The following TLK2 variants were observed in gnomAD, a reference collection of about 807,000 sequenced individuals.
TLK2 encodes the protein tousled like kinase 2, also known as serine/threonine-protein kinase tousled-like 2.
In TLK2, 6 loss-of-function variants were observed where a neutral mutation model predicts 117.3. The observed-to-expected ratio is 0.05, with a 90% CI of 0.03 to 0.10. TLK2 has a LOEUF of 0.10. TLK2 is among the 10% of genes least tolerant of loss of function. TLK2 has a pLI of 1.00. For missense variants in TLK2, 299 were observed against 901.2 expected, an observed-to-expected ratio of 0.33 and a Z score of 8.56; for synonymous variants, 257 against 316.7, an observed-to-expected ratio of 0.81 and a Z score of 2.00.
At chr17:62,499,329 G>A (rs536803908) in intron 2 of TLK2, among the ~76,000 whole-genome samples, 30 of 150,846 alleles carry the variant, frequency 2.0e-4, no homozygotes, top group African/African-American at 6.3e-4. Flanking sequence ...GTAAGACTCC[G>A]TCTCACAAAC....
intron 13 of TLK2, 83 bp from the exon 14 acceptor site, chr17:62,578,394 A>C (rs2080972638): frequency 9.5e-7 from 1 of 1,055,174 alleles, no homozygotes; most frequent in African/African-American, 1.6e-5. Context: ...CATAAGATAA[A>C]TGTCTGCTAT....
At chr17:62,600,087 G>A (rs763319486) in intron 17 of TLK2, among the ~76,000 whole-genome samples, 2 of 152,186 alleles carry the variant, frequency 1.3e-5, no homozygotes, top group Non-Finnish European at 2.9e-5. Flanking sequence ...GTCAGAAGAC[G>A]TAGTATGCAG....
chr17:62,549,294 G>C (rs2078199908), intron 7 of TLK2, among the ~76,000 whole-genome samples: 1 of 145,860 alleles, frequency 6.9e-6, no homozygotes, highest in African/African-American at 2.5e-5. Context: ...AGCTACTCGG[G>C]AGGCTGAGTC....
At chr17:62,600,297 G>C (rs771305285) in intron 17 of TLK2, 43 of 167,880 alleles carry the variant, frequency 2.6e-4, no homozygotes, top group Non-Finnish European at 4.8e-4. Flanking sequence ...GTTTAGACGT[G>C]GATGTGTGGC....
intron 11 of TLK2, among the ~76,000 whole-genome samples, chr17:62,569,616 A>G (rs1386793131): frequency 6.6e-6 from 1 of 151,554 alleles, no homozygotes; most frequent in Non-Finnish European, 1.5e-5. Context: ...TTGTATTTTT[A>G]GTAGAGACGA....
At chr17:62,519,374 T>C (rs1218118196) in intron 2 of TLK2, among the ~76,000 whole-genome samples, 1 of 152,222 alleles carries the variant, frequency 6.6e-6, no homozygotes, top group Admixed American at 6.5e-5. Context: ...TTCTATTCCA[T>C]TGATCTAACC....
rs1215034488 is a variant in TLK2 at position 62,608,002 on chromosome 17, A to T, written c.1972-39A>T. 5 of 1,537,592 alleles carry T rather than the reference A, an allele frequency of 3.3e-6. No homozygotes were observed. In the Admixed American group the frequency reaches 7.5e-5, roughly 23 times the overall value. On this transcript the variant is annotated intron_variant, in intron 20 of 21. Transcript: ENST00000346027. ...TTGAATTGTTTTCTCTATAATTTTC[A>T]TCAGAGGCCTACATTATTTGTTTGT...
intron 2 of TLK2, 92 bp downstream of exon 2, chr17:62,481,298 T>A (rs556547791): frequency 2.2e-6 from 3 of 1,393,276 alleles, no homozygotes; most frequent in African/African-American, 2.9e-5. Context: ...GCCCTTCTGA[T>A]AGTTTGCAGG....
intron 16 of TLK2, among the ~76,000 whole-genome samples, chr17:62,586,564 G>A (rs2081620086): frequency 6.6e-6 from 1 of 152,134 alleles, no homozygotes; most frequent in South Asian, 2.1e-4. Flanking sequence ...GCTCACACCT[G>A]TAATCCCAGC....
intron 2 of TLK2, among the ~76,000 whole-genome samples, chr17:62,492,778 C>T (rs1004122374): frequency 6.6e-6 from 1 of 152,058 alleles, no homozygotes; most frequent in African/African-American, 2.4e-5. Context: ...TTCATCTTCC[C>T]AAATCGTAAC....
At chr17:62,482,107 C>G (rs1204945291) in intron 2 of TLK2, among the ~76,000 whole-genome samples, 3 of 151,876 alleles carry the variant, frequency 2.0e-5, no homozygotes, top group African/African-American at 2.4e-5. Flanking sequence ...CGCCACCACG[C>G]CCAGCTGATT....
At chr17:62,552,090 C>T (rs1416000057) in intron 7 of TLK2, 2 of 627,274 alleles carry the variant, frequency 3.2e-6, no homozygotes, top group Non-Finnish European at 5.5e-6. Flanking sequence ...AACCTGTTTA[C>T]AGGAACTTGG....
At chr17:62,609,203 C>T (rs564423458) in intron 21 of TLK2, among the ~76,000 whole-genome samples, 1 of 152,300 alleles carries the variant, frequency 6.6e-6, no homozygotes, top group East Asian at 1.9e-4. Context: ...CCACCTCTGC[C>T]TCCCAAGAAG....
intron 11 of TLK2, among the ~76,000 whole-genome samples, chr17:62,569,328 A>G (rs887592080): frequency 2.0e-5 from 3 of 151,012 alleles, no homozygotes; most frequent in East Asian, 2.0e-4. Context: ...CCCATCTGGG[A>G]TATTGACATG....
intron 11 of TLK2, among the ~76,000 whole-genome samples, chr17:62,567,086 G>A (rs542687835): frequency 2.6e-5 from 4 of 152,136 alleles, no homozygotes; most frequent in Admixed American, 2.6e-4. Context: ...AAATTAGCTG[G>A]GTGTGGTGGC....
In TLK2 at chr17:62,590,207, G is replaced by A. The variant is rs565061618; in HGVS notation, c.1460+3981G>A. 6.7e-4 allele frequency among the ~76,000 whole-genome samples: 101 copies of A among 151,206 alleles called. 1 individual carries two copies. The highest frequency in any genetic ancestry group is 1.0e-3 in the South Asian group (5 of 4,766). On this transcript the variant is annotated intron_variant, in intron 16 of 21. Transcript: ENST00000346027. ...AGCACTTTGGGAGGCGGAGGTGGGTGGATTGCCTGAGGTCAGGAGTTCAAG... is the reference window on the plus strand; with the variant it reads ...AGCACTTTGGGAGGCGGAGGTGGGTAGATTGCCTGAGGTCAGGAGTTCAAG...
At chr17:62,504,971 A>G (rs1390714875) in intron 2 of TLK2, among the ~76,000 whole-genome samples, 1 of 151,938 alleles carries the variant, frequency 6.6e-6, no homozygotes, top group Non-Finnish European at 1.5e-5. Context: ...AACCACCTGA[A>G]TAGCTGGGAC....
intron 9 of TLK2, among the ~76,000 whole-genome samples, chr17:62,556,825 T>G (rs1056978935): frequency 1.3e-5 from 2 of 152,264 alleles, no homozygotes; most frequent in Non-Finnish European, 2.9e-5. Flanking sequence ...ACATGTTATG[T>G]CTTATTTTAA....
At chr17:62,509,953 A>T (rs2075015002) in intron 2 of TLK2, among the ~76,000 whole-genome samples, 1 of 152,148 alleles carries the variant, frequency 6.6e-6, no homozygotes, top group African/African-American at 2.4e-5. Context: ...CAGCCTCCAG[A>T]ACTGTCAGAA....
Sources: gnomAD v4.1 joint callset for allele counts (sites outside exome capture counted in the v4.1 genomes callset) on GRCh38, gnomAD v4.1.1 for gene constraint, MANE v1.5 for transcripts, NCBI Gene and HGNC (gene_info 2026-07-23, HGNC 2026-07-21) for gene names.